The following RBFOX1 variants were observed in gnomAD, a reference collection of about 807,000 sequenced individuals.
RBFOX1 encodes the protein RNA binding fox-1 homolog 1.
In RBFOX1, 8 loss-of-function variants were observed where a neutral mutation model predicts 57.7. The observed-to-expected ratio is 0.14, with a 90% CI of 0.08 to 0.25. The LOEUF (loss-of-function observed/expected upper bound fraction) is 0.25, where lower values mean the gene tolerates loss of function less well. RBFOX1 is among the 10% of genes least tolerant of loss of function. The pLI, the probability that RBFOX1 is intolerant of heterozygous loss-of-function variation, is 1.00. For missense variants in RBFOX1, 611 were observed against 548.5 expected (o/e 1.11, Z -1.14); for synonymous variants, 326 against 222.4 (o/e 1.47, Z -4.15).
intron 4 of RBFOX1, among the ~76,000 whole-genome samples, chr16:5,982,541 G>T (rs1292608356): frequency 1.3e-5 from 2 of 152,152 alleles, no homozygotes; most frequent in Non-Finnish European, 2.9e-5. Flanking sequence ...CTCCCAAAGT[G>T]CTGGGATTAC....
chr16:6,418,228 C>T (rs1490739600), intron 2 of RBFOX1, among the ~76,000 whole-genome samples: 1 of 152,152 alleles, frequency 6.6e-6, no homozygotes, highest in Non-Finnish European at 1.5e-5. Context: ...GACCATATGG[C>T]ATGCCCATTT....
intron 1 of RBFOX1, among the ~76,000 whole-genome samples, chr16:6,244,237 A>G (rs1334568353): frequency 6.6e-6 from 1 of 151,434 alleles, no homozygotes. Flanking sequence ...CCCTCCTTCC[A>G]GCAAAAATGT....
At chr16:7,426,593 G>T (rs1380236099) in intron 4 of RBFOX1, among the ~76,000 whole-genome samples, 2 of 152,156 alleles carry the variant, frequency 1.3e-5, no homozygotes, top group African/African-American at 4.8e-5. Context: ...CAAGGGAGAG[G>T]ATCTCCCCCA....
intron 4 of RBFOX1, among the ~76,000 whole-genome samples, chr16:5,902,338 A>G (rs3859170): frequency 0.31 from 47,301 of 152,110 alleles, 8,695 homozygotes; most frequent in South Asian, 0.53. Flanking sequence ...GGTGAGTCTC[A>G]TCCTCTGTTT....
intron 4 of RBFOX1, among the ~76,000 whole-genome samples, chr16:7,192,141 G>C (rs1041629633): frequency 6.6e-6 from 1 of 152,204 alleles, no homozygotes; most frequent in African/African-American, 2.4e-5. Flanking sequence ...TGGGGGAAGG[G>C]GGTAGGTAGT....
intron 14 of RBFOX1, among the ~76,000 whole-genome samples, chr16:7,678,604 T>C (rs2073985538): frequency 6.6e-6 from 1 of 152,044 alleles, no homozygotes; most frequent in Non-Finnish European, 1.5e-5. Flanking sequence ...TCAGTATAAG[T>C]GCATCTATCC....
intron 4 of RBFOX1, among the ~76,000 whole-genome samples, chr16:7,052,561 G>A (rs2050478283): frequency 6.6e-6 from 1 of 152,064 alleles, no homozygotes; most frequent in Non-Finnish European, 1.5e-5. Context: ...TAGACCTCTT[G>A]GTTTTAGTGA....
intron 4 of RBFOX1, among the ~76,000 whole-genome samples, chr16:7,192,502 A>G (rs1261256958): frequency 6.6e-6 from 1 of 152,218 alleles, no homozygotes; most frequent in Admixed American, 6.5e-5. Flanking sequence ...CTTCACTTTG[A>G]ATAAATATTG....
At chr16:7,362,464 TTGTG>T (rs1477723113) in intron 4 of RBFOX1, among the ~76,000 whole-genome samples, 1 of 151,480 alleles carries the variant, frequency 6.6e-6, no homozygotes. Flanking sequence ...ATATATGTTT[TTGTG>T]TGTGTTTGTG....
chr16:5,697,186 G>T (rs980076162), intron 3 of RBFOX1, among the ~76,000 whole-genome samples: 6 of 152,018 alleles, frequency 3.9e-5, no homozygotes, highest in African/African-American at 1.4e-4. Flanking sequence ...CAGCAATCTT[G>T]CTAAACTCTA....
intron 3 of RBFOX1, among the ~76,000 whole-genome samples, chr16:6,974,395 A>G (rs2086321267): frequency 1.8e-5 from 2 of 114,168 alleles, no homozygotes; most frequent in Admixed American, 2.7e-4. Context: ...CCCAGGCTGG[A>G]GTGCAATGGT....
At chr16:5,326,997 C>G (rs2064595101) in intron 1 of RBFOX1, among the ~76,000 whole-genome samples, 1 of 152,178 alleles carries the variant, frequency 6.6e-6, no homozygotes, top group Non-Finnish European at 1.5e-5. Flanking sequence ...AGCAGAAGTT[C>G]TGCTTCAGGG....
chr16:6,411,752 A>G (rs139295342), intron 2 of RBFOX1, among the ~76,000 whole-genome samples: 1 of 152,354 alleles, frequency 6.6e-6, no homozygotes, highest in East Asian at 1.9e-4. Context: ...TTTGCATAAA[A>G]TGAACAATTG....
rs28376157 is a variant in RBFOX1 at position 6,674,020 on chromosome 16, T to A, written c.-16+19370T>A. Among the ~76,000 whole-genome samples the A allele has an allele frequency of 3.9e-3, 595 of 152,216 alleles. 7 individuals carry two copies. Among genetic ancestry groups the A allele is most frequent in the African/African-American group, 0.014 (568 of 41,536 alleles). On this transcript the variant is annotated intron_variant, in intron 3 of 15. Transcript: ENST00000550418. ...GGAGGAATTACTTCTTTTAGAGACA[T>A]GTTAAGAGAATCCTATTTTAGGATT... is the stretch of plus-strand genomic sequence containing the variant.
intron 2 of RBFOX1, among the ~76,000 whole-genome samples, chr16:6,447,085 A>T (rs2094499318): frequency 6.6e-6 from 1 of 152,236 alleles, no homozygotes; most frequent in East Asian, 1.9e-4. Flanking sequence ...GAAAACTTCG[A>T]AAACCGCACA....
intron 4 of RBFOX1, among the ~76,000 whole-genome samples, chr16:7,420,297 A>G (rs1337305764): frequency 6.6e-6 from 1 of 152,182 alleles, no homozygotes; most frequent in African/African-American, 2.4e-5. Context: ...CTTGCCTCCC[A>G]AACATGAGAC....
At chr16:6,363,641 C>T (rs2089034232) in intron 2 of RBFOX1, among the ~76,000 whole-genome samples, 1 of 152,164 alleles carries the variant, frequency 6.6e-6, no homozygotes, top group Admixed American at 6.5e-5. Context: ...AGTTCGGAGA[C>T]TAAATACCAT....
At chr16:5,757,905 T>C (rs1567500816) in intron 3 of RBFOX1, among the ~76,000 whole-genome samples, 1 of 152,156 alleles carries the variant, frequency 6.6e-6, no homozygotes, top group African/African-American at 2.4e-5. Flanking sequence ...AATAAATCTT[T>C]CCCCTTCACT....
intron 3 of RBFOX1, among the ~76,000 whole-genome samples, chr16:6,911,565 A>G (rs2071604349): frequency 6.6e-6 from 1 of 152,104 alleles, no homozygotes; most frequent in South Asian, 2.1e-4. Context: ...TTGAACTATG[A>G]CCCATAATGA....
Sources: gnomAD v4.1 joint callset for allele counts (sites outside exome capture counted in the v4.1 genomes callset) on GRCh38, gnomAD v4.1.1 for gene constraint, MANE v1.5 for transcripts, NCBI Gene and HGNC (gene_info 2026-07-23, HGNC 2026-07-21) for gene names.